ULK4: variants seen among roughly 807,000 people sequenced by gnomAD.
The protein encoded by ULK4 is unc-51 like kinase 4, also known as inactive serine/threonine-protein kinase ULK4.
In ULK4, 133 loss-of-function variants were observed where a neutral mutation model predicts 160.6. The observed-to-expected ratio is 0.83, with a 90% CI of 0.72 to 0.96. The LOEUF (loss-of-function observed/expected upper bound fraction) is 0.96. ULK4 is among the 40% of genes least tolerant of loss of function. The probability of loss-of-function intolerance (pLI) is 0.00; values close to 1 mark genes in which losing one functional copy is unlikely to be tolerated. For missense variants in ULK4, 1,580 were observed against 1,499.5 expected (o/e 1.05, Z -0.89); for synonymous variants, 534 against 539.8 (o/e 0.99, Z 0.15).
intron 21 of ULK4, among the ~76,000 whole-genome samples, chr3:41,775,140 G>A (rs1221457541): frequency 6.7e-6 from 1 of 149,842 alleles, no homozygotes; most frequent in Non-Finnish European, 1.5e-5. Context: ...GTTAATGGGT[G>A]CAGCACACCA....
At chr3:41,832,775 A>G (rs1229818326) in intron 18 of ULK4, among the ~76,000 whole-genome samples, 1 of 152,178 alleles carries the variant, frequency 6.6e-6, no homozygotes, top group Non-Finnish European at 1.5e-5. Flanking sequence ...CAGTTTCCCC[A>G]GCACCATTTA....
chr3:41,906,373 T>C (rs115988317), intron 12 of ULK4, among the ~76,000 whole-genome samples: 1,625 of 152,194 alleles, frequency 0.011, 11 homozygotes, highest in Non-Finnish European at 0.017. Context: ...AACAATTTTT[T>C]GTAAACTTAG....
intron 31 of ULK4, among the ~76,000 whole-genome samples, chr3:41,576,385 C>A (rs1451472341): frequency 6.6e-6 from 1 of 152,164 alleles, no homozygotes; most frequent in Non-Finnish European, 1.5e-5. Flanking sequence ...CCATCCCTCA[C>A]CCAATGCTGA....
intron 17 of ULK4, among the ~76,000 whole-genome samples, chr3:41,852,465 A>G (rs2042239845): frequency 6.6e-6 from 1 of 152,244 alleles, no homozygotes; most frequent in East Asian, 1.9e-4. Flanking sequence ...GGTGAATAGC[A>G]GACAAAATCT....
chr3:41,856,206 C>G (rs1374566899), intron 17 of ULK4, among the ~76,000 whole-genome samples: 1 of 151,970 alleles, frequency 6.6e-6, no homozygotes, highest in Non-Finnish European at 1.5e-5. Flanking sequence ...TTATTCAACT[C>G]TTGCTTTATC....
chr3:41,776,551 G>T (rs1168711536), intron 21 of ULK4, among the ~76,000 whole-genome samples: 1 of 150,710 alleles, frequency 6.6e-6, no homozygotes, highest in Non-Finnish European at 1.5e-5. Flanking sequence ...GATACAAAAT[G>T]ATCTCTGAGG....
At chr3:41,951,355 A>G (rs1206218697) in intron 2 of ULK4, among the ~76,000 whole-genome samples, 3 of 151,706 alleles carry the variant, frequency 2.0e-5, no homozygotes, top group Non-Finnish European at 2.9e-5. Flanking sequence ...GAAAATTCAT[A>G]TAGAATCTCA....
chr3:41,788,972 A>G (rs2040073259), intron 21 of ULK4, among the ~76,000 whole-genome samples: 2 of 152,334 alleles, frequency 1.3e-5, no homozygotes, highest in South Asian at 2.1e-4. Context: ...AGATCTCACT[A>G]AAATGTAGAT....
intron 35 of ULK4, among the ~76,000 whole-genome samples, chr3:41,252,613 A>G (rs75618071): frequency 6.6e-6 from 1 of 151,516 alleles, no homozygotes; most frequent in East Asian, 1.9e-4. Context: ...GAGATTGAAA[A>G]AAAAAAAAAA....
intron 15 of ULK4, among the ~76,000 whole-genome samples, chr3:41,896,253 TTTTTTA>T (rs1485543649): frequency 6.6e-6 from 1 of 152,158 alleles, no homozygotes; most frequent in Non-Finnish European, 1.5e-5. Flanking sequence ...ATATCACTTT[TTTTTTA>T]TTTTTATTTT....
chr3:41,698,143 C>T (rs1389705362), intron 27 of ULK4, among the ~76,000 whole-genome samples: 1 of 152,142 alleles, frequency 6.6e-6, no homozygotes, highest in Non-Finnish European at 1.5e-5. Context: ...GGTGTAAGTA[C>T]ATTCTATGGT....
chr3:41,658,271 C>T (rs966684537), intron 30 of ULK4, among the ~76,000 whole-genome samples: 3 of 152,178 alleles, frequency 2.0e-5, no homozygotes, highest in African/African-American at 4.8e-5. Flanking sequence ...CTTGTTTGCA[C>T]ATTTAACAGA....
intron 31 of ULK4, 112 bp downstream of exon 31, chr3:41,615,557 G>A (rs955769425): frequency 4.9e-5 from 48 of 983,440 alleles, no homozygotes; most frequent in African/African-American, 2.4e-4. Context: ...GATGATGGAC[G>A]TACAATCCTT....
intron 30 of ULK4, among the ~76,000 whole-genome samples, chr3:41,644,743 G>C (rs1335463306): frequency 2.7e-5 from 4 of 150,604 alleles, no homozygotes; most frequent in Non-Finnish European, 6.0e-5. Context: ...TTTTTCTATT[G>C]ATTGGAATAG....
chr3:41,534,805 C>T (rs2086441177), intron 32 of ULK4, among the ~76,000 whole-genome samples: 1 of 152,120 alleles, frequency 6.6e-6, no homozygotes, highest in Admixed American at 6.5e-5. Context: ...AATGCAAGTG[C>T]TCTTTGAGAA....
intron 29 of ULK4, among the ~76,000 whole-genome samples, chr3:41,677,176 T>A (rs2035750542): frequency 6.6e-6 from 1 of 152,028 alleles, no homozygotes; most frequent in African/African-American, 2.4e-5. Context: ...CCCAAAGTGC[T>A]GGGATTACAG....
chr3:41,296,545 C>G (rs1559510027), intron 35 of ULK4, among the ~76,000 whole-genome samples: 1 of 152,146 alleles, frequency 6.6e-6, no homozygotes, highest in Non-Finnish European at 1.5e-5. Context: ...GGTGAGAACT[C>G]TGTAGGGAGG....
intron 30 of ULK4, among the ~76,000 whole-genome samples, chr3:41,652,143 T>G (rs543267220): frequency 6.6e-6 from 1 of 152,178 alleles, no homozygotes; most frequent in Non-Finnish European, 1.5e-5. Context: ...GTTTACTGAA[T>G]TATCATGAAA....
chr3:41,311,765 T>TC (rs1186655117), intron 35 of ULK4, among the ~76,000 whole-genome samples: 1 of 151,600 alleles, frequency 6.6e-6, no homozygotes, highest in Non-Finnish European at 1.5e-5. Flanking sequence ...CGACAGGGTT[T>TC]CCCCATGTTA....
Sources: gnomAD v4.1 joint callset for allele counts (sites outside exome capture counted in the v4.1 genomes callset) on GRCh38, gnomAD v4.1.1 for gene constraint, MANE v1.5 for transcripts, NCBI Gene and HGNC (gene_info 2026-07-23, HGNC 2026-07-21) for gene names.